Variants in ZNF331 observed in about 807,000 individuals in gnomAD.
ZNF331 encodes the protein zinc finger protein 331.
ZNF331 carries 2 observed loss-of-function variants against 7.0 expected under a neutral mutation model. The ratio of observed to expected loss-of-function variants is 0.29; its 90% CI spans 0.12 to 0.90. The LOEUF (loss-of-function observed/expected upper bound fraction) is 0.90. ZNF331 is among the 40% of genes least tolerant of loss of function. ZNF331 has a pLI of 0.58. For missense variants in ZNF331, 432 were observed against 587.7 expected, an observed-to-expected ratio of 0.74 and a Z score of 2.74; for synonymous variants, 196 against 205.4, an observed-to-expected ratio of 0.95 and a Z score of 0.39.
intron 2 of ZNF331, among the ~76,000 whole-genome samples, chr19:53,527,879 G>T (rs1305398383): frequency 1.3e-5 from 2 of 151,132 alleles, no homozygotes; most frequent in Non-Finnish European, 3.0e-5. Flanking sequence ...TTCAGAATTA[G>T]ATTTTCTATG....
intron 4 of ZNF331, among the ~76,000 whole-genome samples, chr19:53,569,974 G>A (rs2090356554): frequency 6.6e-6 from 1 of 151,894 alleles, no homozygotes; most frequent in Non-Finnish European, 1.5e-5. Context: ...AGAAACAGGG[G>A]GCCGGGTGTG....
At chr19:53,545,812 G>A (rs1472656304) in intron 2 of ZNF331, among the ~76,000 whole-genome samples, 8 of 152,308 alleles carry the variant, frequency 5.3e-5, no homozygotes, top group Middle Eastern at 3.4e-3. Context: ...TGTTCAAGCC[G>A]GACGTGTTCT....
intron 2 of ZNF331, among the ~76,000 whole-genome samples, chr19:53,542,780 T>C (rs1191292488): frequency 1.3e-5 from 2 of 152,240 alleles, no homozygotes; most frequent in African/African-American, 2.4e-5. Context: ...TTGGTTAATA[T>C]TGATTACGCA....
At chr19:53,536,130 T>A (rs1207451571), upstream of ZNF331, among the ~76,000 whole-genome samples, 1 of 152,232 alleles carries the variant, frequency 6.6e-6, no homozygotes, top group Non-Finnish European at 1.5e-5. Flanking sequence ...CTAGATTTTT[T>A]AAGGAACTAT....
chr19:53,530,807 C>T (rs117974145), intron 2 of ZNF331, among the ~76,000 whole-genome samples: 216 of 152,322 alleles, frequency 1.4e-3, no homozygotes, highest in Non-Finnish European at 2.0e-3. Flanking sequence ...GAGTAGAAGA[C>T]GCACTTGCGT....
chr19:53,537,187 C>G, upstream of ZNF331: 1 of 152,312 alleles, frequency 6.6e-6, no homozygotes, highest in South Asian at 2.1e-4. Context: ...GCATAAATAC[C>G]AAAAAGTGGG....
chr19:53,517,431 G>A (rs138794450), upstream of ZNF331, among the ~76,000 whole-genome samples: 34 of 152,264 alleles, frequency 2.2e-4, no homozygotes, highest in East Asian at 4.1e-3. Context: ...CATAAAAGAA[G>A]CTGGGCTTCA....
chr19:53,506,364 C>T, the ZNF331 span, among the ~76,000 whole-genome samples: 2 of 149,092 alleles, frequency 1.3e-5, no homozygotes, highest in African/African-American at 2.5e-5. Context: ...AAAAGAATCA[C>T]ACCTCCCCCA....
At chr19:53,524,290 T>G (rs1453862085) in intron 2 of ZNF331, among the ~76,000 whole-genome samples, 2 of 152,206 alleles carry the variant, frequency 1.3e-5, no homozygotes, top group Non-Finnish European at 2.9e-5. Context: ...GTTATGGGAT[T>G]GCTGGGTCAA....
Position 53,566,230 on chromosome 19 carries a change from C to T in ZNF331, c.-73-3074C>T, listed in dbSNP as rs1440806404. ...TGGCTCATCCAGCATCACATTGTGA[C>T]AACACCTGTTCCATGTTATCGACCA... On this transcript the variant is annotated intron_variant, in intron 3 of 5. Coordinates refer to ENST00000449416, the MANE Select transcript of ZNF331 (RefSeq NM_001079906.2). Among the ~76,000 whole-genome samples the T allele has an allele frequency of 3.3e-5, 5 of 152,284 alleles. No homozygotes were observed. In the East Asian group the frequency reaches 5.8e-4, roughly 18 times the overall value.
upstream of ZNF331, among the ~76,000 whole-genome samples, chr19:53,515,521 G>C (rs972653147): frequency 6.6e-6 from 1 of 152,172 alleles, no homozygotes; most frequent in East Asian, 1.9e-4. Flanking sequence ...TTTTGAGACG[G>C]AGTTTCGTTC....
intron 4 of ZNF331, among the ~76,000 whole-genome samples, chr19:53,570,780 C>T (rs1274581324): frequency 6.6e-6 from 1 of 152,118 alleles, no homozygotes; most frequent in Non-Finnish European, 1.5e-5. Flanking sequence ...GATCCGCCTG[C>T]CTCAGCCTCC....
chr19:53,576,654 T>C (rs2090737862), intron 5 of ZNF331, 43 bp from the exon 6 acceptor site: 1 of 1,538,362 alleles, frequency 6.5e-7, no homozygotes, highest in Non-Finnish European at 8.7e-7. Flanking sequence ...TCGTTTGTAC[T>C]TGTGTCCCTC....
chr19:53,522,256 GTTTTTTTT>G (rs560872830), intron 1 of ZNF331, among the ~76,000 whole-genome samples: 1 of 139,568 alleles, frequency 7.2e-6, no homozygotes, highest in African/African-American at 2.6e-5. Context: ...TTCTTTCTTT[GTTTTTTTT>G]TTTTTTGAGA....
chr19:53,531,110 T>C (rs2087520924), intron 2 of ZNF331, among the ~76,000 whole-genome samples: 1 of 152,138 alleles, frequency 6.6e-6, no homozygotes, highest in Non-Finnish European at 1.5e-5. Context: ...CTCAGTCTTA[T>C]CCTCCTCTTT....
intron 3 of ZNF331, among the ~76,000 whole-genome samples, chr19:53,559,755 T>G (rs1033640008): frequency 7.3e-6 from 1 of 137,724 alleles, no homozygotes; most frequent in African/African-American, 2.9e-5. Flanking sequence ...CATACGCACA[T>G]GCACACACAT....
chr19:53,565,858 T>A (rs984103372), intron 3 of ZNF331, among the ~76,000 whole-genome samples: 1 of 152,146 alleles, frequency 6.6e-6, no homozygotes, highest in Non-Finnish European at 1.5e-5. Context: ...AAAAGAAACC[T>A]TCTTTGTCTT....
chr19:53,565,678 C>T (rs563918775), intron 3 of ZNF331, among the ~76,000 whole-genome samples: 1 of 151,994 alleles, frequency 6.6e-6, no homozygotes, highest in East Asian at 1.9e-4. Flanking sequence ...AGGCACGCAC[C>T]ACCACACCTA....
At chr19:53,544,252 T>G (rs2088404380) in intron 2 of ZNF331, among the ~76,000 whole-genome samples, 1 of 142,936 alleles carries the variant, frequency 7.0e-6, no homozygotes, top group Non-Finnish European at 1.5e-5. Context: ...TCAATAAGAA[T>G]CGATATTATT....
Sources: gnomAD v4.1 joint callset for allele counts (sites outside exome capture counted in the v4.1 genomes callset) on GRCh38, gnomAD v4.1.1 for gene constraint, MANE v1.5 for transcripts, NCBI Gene and HGNC (gene_info 2026-07-23, HGNC 2026-07-21) for gene names.